Variants in GOLGA6L6 observed in about 807,000 individuals in gnomAD.
The protein encoded by GOLGA6L6 is golgin A6 family like 6 (gene/pseudogene), also known as golgin subfamily A member 6-like protein 6.
In GOLGA6L6, 12 loss-of-function variants were observed where a neutral mutation model predicts 75.6. That is an observed-to-expected ratio of 0.16 (90% CI 0.10 to 0.26). The LOEUF (loss-of-function observed/expected upper bound fraction) is 0.26, where lower values mean the gene tolerates loss of function less well. Ranked by LOEUF, GOLGA6L6 falls within the 10% of genes least tolerant of loss-of-function variation. GOLGA6L6 has a pLI of 1.00. For missense variants in GOLGA6L6, 144 were observed against 598.5 expected, an observed-to-expected ratio of 0.24 and a Z score of 7.92; for synonymous variants, 38 against 179.2, an observed-to-expected ratio of 0.21 and a Z score of 6.29.
rs1270504132 is a variant in GOLGA6L6 at position 20,535,077 on chromosome 15, A to T, written c.1357T>A (p.Trp453Arg). ...EEKRQEQEEM[W>R]RQEEKIREQE... Reference sequence around the variant, plus strand: ...TCCCTTATCTTCTCCTCCTGCCTCCACATCTCCTCCTGCTCCTGCCTCTTC... The same window carrying T: ...TCCCTTATCTTCTCCTCCTGCCTCCTCATCTCCTCCTGCTCCTGCCTCTTC... Residue 453 changes from tryptophan (W) to arginine (R), a missense_variant, in exon 8 of 9, where the codon TGG (tryptophan) becomes AGG (arginine). Trp to Arg is a moderately radical substitution (Grantham distance 101, BLOSUM62 -3). Coordinates refer to ENST00000619213, the MANE Select transcript of GOLGA6L6 (RefSeq NM_001145004.2). 2 of 1,073,562 alleles carry T rather than the reference A, an allele frequency of 1.9e-6. No homozygotes were observed. The highest frequency in any genetic ancestry group is 2.8e-5 in the African/African-American group (1 of 35,206). The allele number at this position is 1,073,562 out of a possible 1,614,324, so 66.5% of individuals were successfully genotyped here.
In GOLGA6L6 at chr15:20,534,979, C is replaced by T. The variant is rs1890322974; in HGVS notation, c.1455G>A (p.Lys485=). The T allele has an allele frequency of 6.7e-7, 1 of 1,484,506 alleles. No individual in the cohort carries two copies. The highest frequency in any genetic ancestry group is 9.0e-7 in the Non-Finnish European group (1 of 1,105,402). The allele number at this position is 1,484,506 out of a possible 1,614,324, so 92.0% of individuals were successfully genotyped here. A position where few individuals can be genotyped will look rare whatever the true frequency, so the allele number is the denominator to read the frequency against. The change falls in exon 8 of 9, where the codon AAG becomes AAA. Residue 485 remains lysine (K), a synonymous_variant. Coordinates refer to ENST00000619213, the MANE Select transcript of GOLGA6L6 (RefSeq NM_001145004.2). Reference sequence around the variant, plus strand: ...GTATCTTCTCCTCCTGCCTCCACACCTTCTCCTCCTGCTTCCGTATCTTCT... The same window carrying T: ...GTATCTTCTCCTCCTGCCTCCACACTTTCTCCTCCTGCTTCCGTATCTTCT... ...QEEKIRKQEE[K]VWRQEEKIRE...
Position 20,534,664 on chromosome 15 carries a change from C to T in GOLGA6L6, c.1770G>A (p.Glu590=). 3 of 1,101,580 alleles carry T rather than the reference C, an allele frequency of 2.7e-6. No individual in the cohort carries two copies. The highest frequency in any genetic ancestry group is 2.2e-5 in the South Asian group (1 of 44,792). 68.2% of individuals were successfully genotyped at this position (1,101,580 alleles called of 1,614,324 possible). The change falls in exon 8 of 9, where the codon GAG becomes GAA. Residue 590 remains glutamate (E), a synonymous_variant. Transcript: ENST00000619213. ...KMWKQEEKIR[E]QEEKIREQEE... ...CCTGCTCCCGTATCTTCTCCTCCTG[C>T]TCCCTTATCTTCTCCTCCTGCTTCC...
rs1890296812 is a variant in GOLGA6L6 at position 20,534,601 on chromosome 15, C to G, written c.1833G>C (p.Glu611Asp). The change falls in exon 8 of 9, where the codon GAG becomes GAC. Residue 611 changes from glutamate to aspartate, a missense_variant. Glu to Asp is a conservative substitution (Grantham distance 45). Transcript: ENST00000619213. ...CCTGTTCCTGCGTCATCTCCTCCTG[C>G]TCTCGTATCTTCTCCTCCTGCTCCC... ...KIREQEEKIR[E>D]QEEMTQEQEE... is the part of the protein sequence containing the mutation. The G allele has an allele frequency of 6.5e-7, 1 of 1,528,482 alleles. No homozygotes were observed. Among genetic ancestry groups the G allele is most frequent in the African/African-American group, 1.5e-5 (1 of 66,126 alleles). 94.7% of individuals were successfully genotyped at this position (1,528,482 alleles called of 1,614,324 possible).
In GOLGA6L6 at chr15:20,532,800, AGTT is replaced by A. The variant is rs1890249393; in HGVS notation, c.*800_*802del. The stretch of plus-strand genomic sequence containing the variant: ...GCTAAGAAACTGAGTATGAAGTGGT[AGTT>A]AAGAGGCTGGAGAGCCTAGCTGAAT... On this transcript the variant is annotated 3_prime_UTR_variant, in exon 9 of 9. Coordinates refer to ENST00000619213, the MANE Select transcript of GOLGA6L6 (RefSeq NM_001145004.2). 1.1e-5 allele frequency: 1 copy of A among 88,402 alleles called. No individual in the cohort carries two copies. The allele number at this position is 88,402 out of a possible 1,614,324, so 5.5% of individuals were successfully genotyped here.
At position 20,534,733 on chromosome 15, in the gene GOLGA6L6, T is replaced by C. The variant is rs1245114315; in HGVS notation, c.1701A>G (p.Ile567Met). The change falls in exon 8 of 9, where the codon ATA (isoleucine) becomes ATG (methionine). Residue 567 changes from isoleucine to methionine, a missense_variant. Ile to Met is a conservative substitution (Grantham distance 10). Transcript: ENST00000619213. ...EEKVWRQEEKIREQEEKRQEQ... is the reference protein window; with the variant it reads ...EEKVWRQEEKMREQEEKRQEQ... ...CCTGCCTCTTTTCCTCCTGCTCCCG[T>C]ATCTTCTCCTCCTGCCTCCACACCT... The C allele has an allele frequency of 2.6e-6, 3 of 1,143,292 alleles. No homozygotes were observed. The highest frequency in any genetic ancestry group is 2.1e-5 in the African/African-American group (1 of 47,076). The allele number at this position is 1,143,292 out of a possible 1,614,324, so 70.8% of individuals were successfully genotyped here. A position where few individuals can be genotyped will look rare whatever the true frequency, so the allele number is the denominator to read the frequency against.
intron 5 of GOLGA6L6, among the ~76,000 whole-genome samples, chr15:20,537,527 C>A (rs1890395849): frequency 6.8e-6 from 1 of 147,650 alleles, no homozygotes; most frequent in African/African-American, 2.5e-5. Context: ...GCTAACAATC[C>A]CATTTAATCC....
Position 20,534,882 on chromosome 15 carries a change from C to T in GOLGA6L6, c.1552G>A (p.Glu518Lys), listed in dbSNP as rs1226919695. Residue 518 changes from glutamate to lysine, a missense_variant, in exon 8 of 9, where the codon GAG (glutamate) becomes AAG (lysine). Coordinates refer to ENST00000619213, the MANE Select transcript of GOLGA6L6 (RefSeq NM_001145004.2). ...TTCTCTTCCTCCCTCCACATCTCCT[C>T]CTGCTCCCGTATCTTCTCCTCCTGC... ...WRQEEKIREQ[E>K]EMWREEEKMH... 94 of 1,329,106 alleles carry T rather than the reference C, an allele frequency of 7.1e-5. No homozygotes were observed. Among genetic ancestry groups the T allele is most frequent in the Non-Finnish European group, 9.5e-5 (91 of 961,520 alleles). 82.3% of individuals were successfully genotyped at this position (1,329,106 alleles called of 1,614,324 possible).
rs936737600 is a variant in GOLGA6L6 at position 20,539,155 on chromosome 15, G to C, written c.292-469C>G. The stretch of plus-strand genomic sequence containing the variant: ...AAAGAAGAAGGATTTGGGTCTTTTT[G>C]GTTTTTGCCCACAGCCACAGAACTC... On this transcript the variant is annotated intron_variant, in intron 2 of 8. Coordinates refer to ENST00000619213, the MANE Select transcript of GOLGA6L6 (RefSeq NM_001145004.2). Among the ~76,000 whole-genome samples the C allele has an allele frequency of 3.2e-4, 18 of 56,140 alleles. 6 individuals are homozygous for C. The highest frequency in any genetic ancestry group is 6.2e-4 in the Non-Finnish European group (17 of 27,574). 36.8% of individuals were successfully genotyped at this position (56,140 alleles called of 152,430 possible). A position where few individuals can be genotyped will look rare whatever the true frequency, so the allele number is the denominator to read the frequency against.
chr15:20,537,388 G>A (rs1256066510), intron 5 of GOLGA6L6, among the ~76,000 whole-genome samples: 3 of 131,622 alleles, frequency 2.3e-5, no homozygotes, highest in Admixed American at 1.6e-4. Context: ...AATGTGGAAG[G>A]GACAGGGAAA....
At position 20,533,157 on chromosome 15, in the gene GOLGA6L6, A is replaced by C. The variant is rs1890257431; in HGVS notation, c.*446T>G. ...AACTAATAGAAACATACATGTAAGGAAGAAACTTTTTTTTTTGAGACGGAG... is the reference window on the plus strand; with the variant it reads ...AACTAATAGAAACATACATGTAAGGCAGAAACTTTTTTTTTTGAGACGGAG... On this transcript the variant is annotated 3_prime_UTR_variant, in exon 9 of 9. Transcript: ENST00000619213. The C allele has an allele frequency of 6.3e-6, 1 of 159,046 alleles. No individual in the cohort carries two copies. Among genetic ancestry groups the C allele is most frequent in the African/African-American group, 2.7e-5 (1 of 36,604 alleles). 9.9% of individuals were successfully genotyped at this position (159,046 alleles called of 1,614,324 possible). A position where few individuals can be genotyped will look rare whatever the true frequency, so the allele number is the denominator to read the frequency against.
In GOLGA6L6 at chr15:20,531,935, GT is replaced by G. The variant is rs1404044804; in HGVS notation, c.*1667del. On this transcript the variant is annotated 3_prime_UTR_variant, in exon 9 of 9. Transcript: ENST00000619213. ...TGAGGGAGGGTTATAGGTACAACCAGTTTAAAGATGGAAATTTTGAGAGAGC... is the reference window on the plus strand; with the variant it reads ...TGAGGGAGGGTTATAGGTACAACCAGTTAAAGATGGAAATTTTGAGAGAGC... The G allele has an allele frequency of 1.3e-4, 12 of 88,914 alleles. No individual in the cohort carries two copies. Among genetic ancestry groups the G allele is most frequent in the Non-Finnish European group, 2.2e-4 (9 of 41,850 alleles). The allele number at this position is 88,914 out of a possible 1,614,324, so 5.5% of individuals were successfully genotyped here. A position where few individuals can be genotyped will look rare whatever the true frequency, so the allele number is the denominator to read the frequency against.
At chr15:20,540,437 C>CTCTTGA (rs1890462786) in intron 1 of GOLGA6L6, among the ~76,000 whole-genome samples, 2 of 18,736 alleles carry the variant, frequency 1.1e-4, no homozygotes, top group Admixed American at 6.2e-4. Flanking sequence ...AATGTTTTGC[C>CTCTTGA]TCTCAATAGA....
intron 7 of GOLGA6L6, among the ~76,000 whole-genome samples, chr15:20,535,900 A>T (rs1202659521): frequency 1.5e-5 from 1 of 66,030 alleles, no homozygotes; most frequent in Middle Eastern, 5.6e-3. Flanking sequence ...ACAAAAAATT[A>T]GCTGGGTGTG....
rs1193917989 is a variant in GOLGA6L6 at position 20,534,854 on chromosome 15, A to G, written c.1580T>C (p.Met527Thr). 4 of 1,019,652 alleles carry G rather than the reference A, an allele frequency of 3.9e-6. No individual in the cohort carries two copies. Among genetic ancestry groups the G allele is most frequent in the African/African-American group, 2.9e-5 (1 of 34,974 alleles). The allele number at this position is 1,019,652 out of a possible 1,614,324, so 63.2% of individuals were successfully genotyped here. Residue 527 changes from methionine to threonine, a missense_variant, in exon 8 of 9, where the codon ATG (methionine) becomes ACG (threonine). Coordinates refer to ENST00000619213, the MANE Select transcript of GOLGA6L6 (RefSeq NM_001145004.2). ...CTCCCATATCTTCTCCTGCTCATGC[A>G]TCTTCTCTTCCTCCCTCCACATCTC... ...QEEMWREEEKMHEQEKIWEEE... is the reference protein window; with the variant it reads ...QEEMWREEEKTHEQEKIWEEE...
chr15:20,535,160 T>A lies in GOLGA6L6; in HGVS notation c.1274A>T (p.Lys425Ile). The A allele has an allele frequency of 1.1e-6, 1 of 941,918 alleles. No individual in the cohort carries two copies. The highest frequency in any genetic ancestry group is 1.5e-6 in the Non-Finnish European group (1 of 650,034). 58.3% of individuals were successfully genotyped at this position (941,918 alleles called of 1,614,324 possible). The part of the protein sequence containing the change: ...EQEEKIREQE[K>I]KMWRQEEKIH... Reference sequence around the variant, plus strand: ...CTTCTCCTCCTGCCTCCACATCTTTTTCTCCTGCTCCCGTATCTTCTCTTC... The same window carrying A: ...CTTCTCCTCCTGCCTCCACATCTTTATCTCCTGCTCCCGTATCTTCTCTTC... The change falls in exon 8 of 9, where the codon AAA (lysine) becomes ATA (isoleucine). Residue 425 changes from lysine to isoleucine, a missense_variant. By Grantham distance (102) the Lys-to-Ile change is moderately radical (BLOSUM62 -3). Coordinates refer to ENST00000619213, the MANE Select transcript of GOLGA6L6 (RefSeq NM_001145004.2).
At chr15:20,537,488 C>T (rs1474261686) in intron 5 of GOLGA6L6, among the ~76,000 whole-genome samples, 1 of 145,820 alleles carries the variant, frequency 6.9e-6, no homozygotes, top group Middle Eastern at 3.2e-3. Context: ...ACTGTTCGAA[C>T]CTTTCTTGAG....
In GOLGA6L6 at chr15:20,535,214, C is replaced by G; in HGVS notation, c.1220G>C (p.Trp407Ser). Residue 407 changes from tryptophan to serine, a missense_variant, in exon 8 of 9, where the codon TGG becomes TCG. By Grantham distance (177) the Trp-to-Ser change is radical. Transcript: ENST00000619213. ...EKRQEQEAKMWRQEEKIREQE... is the reference protein window; with the variant it reads ...EKRQEQEAKMSRQEEKIREQE... Reference sequence around the variant, plus strand: ...CTCCCGTATCTTCTCCTCCTGCCTCCACATCTTCGCCTCCTGCTCCTGCCT... The same window carrying G: ...CTCCCGTATCTTCTCCTCCTGCCTCGACATCTTCGCCTCCTGCTCCTGCCT... 2.4e-6 allele frequency: 2 copies of G among 841,678 alleles called. No homozygotes were observed. The highest frequency in any genetic ancestry group is 3.7e-6 in the Non-Finnish European group (2 of 538,868). The allele number at this position is 841,678 out of a possible 1,614,324, so 52.1% of individuals were successfully genotyped here.
intron 5 of GOLGA6L6, among the ~76,000 whole-genome samples, chr15:20,537,596 T>C (rs1890397797): frequency 6.8e-6 from 1 of 147,730 alleles, no homozygotes; most frequent in African/African-American, 2.5e-5. Flanking sequence ...ATGAAAAACA[T>C]GCGGTATTAA....
chr15:20,534,701 T>G lies in GOLGA6L6; in HGVS notation c.1733A>C (p.Glu578Ala). 6.0e-6 allele frequency: 5 copies of G among 835,382 alleles called. No homozygotes were observed. In the South Asian group the frequency reaches 1.4e-4, roughly 24 times the overall value. The allele number at this position is 835,382 out of a possible 1,614,324, so 51.7% of individuals were successfully genotyped here. Residue 578 changes from glutamate to alanine, a missense_variant, in exon 8 of 9, where the codon GAG becomes GCG. Transcript: ENST00000619213. ...REQEEKRQEQEEKMWKQEEKI... is the reference protein window; with the variant it reads ...REQEEKRQEQAEKMWKQEEKI... The stretch of plus-strand genomic sequence containing the variant: ...CTCCTCCTGCTTCCACATCTTCTCC[T>G]CCTGCTCCTGCCTCTTTTCCTCCTG...
Sources: gnomAD v4.1 joint callset for allele counts (sites outside exome capture counted in the v4.1 genomes callset) on GRCh38, gnomAD v4.1.1 for gene constraint, MANE v1.5 for transcripts, NCBI Gene and HGNC (gene_info 2026-07-23, HGNC 2026-07-21) for gene names.